The following UTP6 variants were observed in gnomAD, a reference collection of about 807,000 sequenced individuals.
The protein encoded by UTP6 is U3 small nucleolar RNA-associated protein 6 homolog.
UTP6 carries 60 observed loss-of-function variants against 96.5 expected under a neutral mutation model. That is an observed-to-expected ratio of 0.62 (90% CI 0.51 to 0.77). The LOEUF (loss-of-function observed/expected upper bound fraction) is 0.77, where lower values mean the gene tolerates loss of function less well. Among genes scored for constraint, UTP6 ranks in the 30% least tolerant of loss-of-function variants. The pLI, the probability that UTP6 is intolerant of heterozygous loss-of-function variation, is 0.00. For synonymous variants in UTP6, 215 were observed against 240.1 expected (o/e 0.90, Z 0.96); for missense variants, 637 against 706.5 (o/e 0.90, Z 1.12).
intron 18 of UTP6, among the ~76,000 whole-genome samples, chr17:31,863,908 C>G (rs1909670287): frequency 6.6e-6 from 1 of 152,088 alleles, no homozygotes; most frequent in South Asian, 2.1e-4. Flanking sequence ...ACTATATTGC[C>G]CAGGCTAGTC....
At chr17:31,891,125 G>T (rs1239259759) in intron 6 of UTP6, among the ~76,000 whole-genome samples, 1 of 152,132 alleles carries the variant, frequency 6.6e-6, no homozygotes, top group Non-Finnish European at 1.5e-5. Flanking sequence ...ATCTTATCAA[G>T]ATTGCTTTTG....
intron 6 of UTP6, 135 bp from the exon 7 acceptor site, chr17:31,889,538 C>T: frequency 4.9e-6 from 3 of 616,652 alleles, no homozygotes; most frequent in Non-Finnish European, 8.1e-6. Context: ...ACTCTGTCGC[C>T]CAGGCTGGAG....
At chr17:31,890,740 C>T (rs1279561690) in intron 6 of UTP6, among the ~76,000 whole-genome samples, 1 of 152,060 alleles carries the variant, frequency 6.6e-6, no homozygotes, top group Non-Finnish European at 1.5e-5. Context: ...AATCCCAGCA[C>T]TTTGGGAGGC....
chr17:31,887,094 G>A, intron 8 of UTP6, 142 bp downstream of exon 8: 1 of 660,534 alleles, frequency 1.5e-6, no homozygotes, highest in Non-Finnish European at 2.5e-6. Flanking sequence ...CTGCACTCCA[G>A]CCTGTGTGAC....
intron 14 of UTP6, 56 bp downstream of exon 14, chr17:31,875,178 G>A (rs1910421033): frequency 6.3e-7 from 1 of 1,592,948 alleles, no homozygotes; most frequent in Non-Finnish European, 8.6e-7. Context: ...ATGAGCCTTG[G>A]CTAGTCTTAA....
intron 2 of UTP6, 93 bp from the exon 3 acceptor site, chr17:31,895,104 C>T (rs1904559670): frequency 1.1e-5 from 10 of 936,758 alleles, no homozygotes; most frequent in East Asian, 6.0e-5. Flanking sequence ...AAACAAAAAT[C>T]GAGAATATAA....
chr17:31,872,543 G>A (rs1445580317), intron 16 of UTP6, among the ~76,000 whole-genome samples: 2 of 152,008 alleles, frequency 1.3e-5, no homozygotes, highest in Non-Finnish European at 1.5e-5. Context: ...GGACATGGTG[G>A]TACATGCCTG....
At chr17:31,893,734 CAAAAAAAAAAAA>C (rs3084042) in intron 4 of UTP6, among the ~76,000 whole-genome samples, 1 of 84,466 alleles carries the variant, frequency 1.2e-5, no homozygotes, top group African/African-American at 4.1e-5. Flanking sequence ...CATCCCCCAC[CAAAAAAAAAAAA>C]AAAAAAAAAG....
At chr17:31,873,128 C>A in intron 16 of UTP6, 2 of 343,300 alleles carry the variant, frequency 5.8e-6, no homozygotes, top group Non-Finnish European at 1.1e-5. Flanking sequence ...GTGGCAGGTG[C>A]CTGTAATCCT....
At chr17:31,889,534 T>C in intron 6 of UTP6, 131 bp from the exon 7 acceptor site, 1 of 624,050 alleles carries the variant, frequency 1.6e-6, no homozygotes, top group East Asian at 3.2e-5. Flanking sequence ...TCTCACTCTG[T>C]CGCCCAGGCT....
chr17:31,898,819 T>C (rs1904805331), intron 2 of UTP6, among the ~76,000 whole-genome samples: 1 of 152,166 alleles, frequency 6.6e-6, no homozygotes, highest in African/African-American at 2.4e-5. Context: ...TGCTGGTGGA[T>C]TGCTTGAGGC....
intron 14 of UTP6, among the ~76,000 whole-genome samples, chr17:31,874,532 C>A (rs534062717): frequency 6.9e-6 from 1 of 145,038 alleles, no homozygotes; most frequent in East Asian, 2.0e-4. Context: ...GGCAACAGAA[C>A]AAGACTTCAT....
chr17:31,892,340 T>A lies in UTP6; in HGVS notation c.361-17A>T. The A allele has an allele frequency of 6.2e-7, 1 of 1,609,126 alleles. No individual in the cohort carries two copies. Among genetic ancestry groups the A allele is most frequent in the Non-Finnish European group, 8.5e-7 (1 of 1,175,846 alleles). On this transcript the variant is annotated splice_polypyrimidine_tract_variant and intron_variant, in intron 5 of 18. Transcript: ENST00000261708. ...TTTAGTAGCCTGTAAAAAAGGAAAA[T>A]ATTTCTACTTCCTGCACAGATAAAT...
intron 13 of UTP6, among the ~76,000 whole-genome samples, chr17:31,877,695 T>C (rs1302135784): frequency 6.6e-6 from 1 of 151,896 alleles, no homozygotes; most frequent in Non-Finnish European, 1.5e-5. Context: ...TGGCCAGGCA[T>C]GATGGCTCAT....
chr17:31,894,767 CAACTT>C, intron 3 of UTP6, 30 bp from the exon 4 acceptor site: 1 of 1,560,786 alleles, frequency 6.4e-7, no homozygotes. Context: ...AACAGAGCCT[CAACTT>C]AATCATATTT....
intron 4 of UTP6, 62 bp from the exon 5 acceptor site, chr17:31,892,856 C>T: frequency 6.3e-7 from 1 of 1,596,814 alleles, no homozygotes; most frequent in Non-Finnish European, 8.6e-7. Context: ...TACACCTTTG[C>T]ATTAATTAAT....
In UTP6 at chr17:31,875,252, AAAGG is replaced by A; in HGVS notation, c.1283_1286del (p.Ala428ValfsTer4). ...CACTGACCTGGGGTTTCAGGTGCACAAAGGCTTCTTCAAAAAGCATGGCTATGTC... is the reference window on the plus strand; with the variant it reads ...CACTGACCTGGGGTTTCAGGTGCACACTTCTTCAAAAAGCATGGCTATGTC... On this transcript the variant is annotated frameshift_variant, in exon 14 of 19. Coordinates refer to ENST00000261708, the MANE Select transcript of UTP6 (RefSeq NM_018428.3). LOFTEE classifies it high-confidence loss of function. The A allele has an allele frequency of 6.2e-7, 1 of 1,614,106 alleles. No homozygotes were observed. Among genetic ancestry groups the A allele is most frequent in the Non-Finnish European group, 8.5e-7 (1 of 1,180,014 alleles).
Position 31,875,340 on chromosome 17 carries a change from C to T in UTP6, c.1199G>A (p.Arg400Lys). Reference sequence around the variant, plus strand: ...CAGCTGCCACATTGTCCCAGAGTCTCTAAACAATTCAGTTCCAGCTACTGC... The same window carrying T: ...CAGCTGCCACATTGTCCCAGAGTCTTTAAACAATTCAGTTCCAGCTACTGC... Reference protein sequence around the residue: ...EVAVAGTELFRDSGTMWQLKL... With the variant: ...EVAVAGTELFKDSGTMWQLKL... Residue 400 changes from arginine (R) to lysine (K), a missense_variant, in exon 14 of 19, where the codon AGA becomes AAA. Coordinates refer to ENST00000261708, the MANE Select transcript of UTP6 (RefSeq NM_018428.3). 6.2e-7 allele frequency: 1 copy of T among 1,614,182 alleles called. No individual in the cohort carries two copies. The highest frequency in any genetic ancestry group is 8.5e-7 in the Non-Finnish European group (1 of 1,180,042).
Position 31,861,553 on chromosome 17 carries a change from T to C in UTP6, c.*1806A>G, listed in dbSNP as rs1909558671. 1 of 151,250 alleles carries C rather than the reference T, an allele frequency of 6.6e-6. No homozygotes were observed. Among genetic ancestry groups the C allele is most frequent in the Non-Finnish European group, 1.5e-5 (1 of 67,850 alleles). 9.4% of individuals were successfully genotyped at this position (151,250 alleles called of 1,614,324 possible). A position where few individuals can be genotyped will look rare whatever the true frequency, so the allele number is the denominator to read the frequency against. Reference sequence around the variant, plus strand: ...ATCTCTTGAGCCCAGAAGTTAAGGCTGTAGTGAGCCATGATCACACCACTG... The same window carrying C: ...ATCTCTTGAGCCCAGAAGTTAAGGCCGTAGTGAGCCATGATCACACCACTG... On this transcript the variant is annotated 3_prime_UTR_variant, in exon 19 of 19. Coordinates refer to ENST00000261708, the MANE Select transcript of UTP6 (RefSeq NM_018428.3).
Sources: allele counts gnomAD v4.1 joint callset (sites outside exome capture counted in the v4.1 genomes callset), GRCh38; gene constraint gnomAD v4.1.1; transcripts MANE v1.5; gene names NCBI Gene and HGNC (gene_info 2026-07-23, HGNC 2026-07-21).